The following CSGALNACT1 variants were observed in gnomAD, a reference collection of about 807,000 sequenced individuals.
The protein encoded by CSGALNACT1 is beta4GalNAcT-1.
A neutral mutation model predicts 51.0 loss-of-function variants in CSGALNACT1; 52 were observed. The observed-to-expected ratio is 1.02, with a 90% CI of 0.82 to 1.29. CSGALNACT1 has a LOEUF of 1.29. Ranked by LOEUF, CSGALNACT1 falls within the 50% of genes most tolerant of loss-of-function variation. The probability of loss-of-function intolerance (pLI) is 0.00; values close to 1 mark genes in which losing one functional copy is unlikely to be tolerated. For missense variants in CSGALNACT1, 935 were observed against 679.2 expected, an observed-to-expected ratio of 1.38 and a Z score of -4.19; for synonymous variants, 341 against 254.4, an observed-to-expected ratio of 1.34 and a Z score of -3.24.
At chr8:19,679,178 T>G (rs192474863) in intron 1 of CSGALNACT1, among the ~76,000 whole-genome samples, 1 of 152,242 alleles carries the variant, frequency 6.6e-6, no homozygotes, top group Admixed American at 6.5e-5. Context: ...TCCTCTTGGG[T>G]GCAGTGGCTC....
intron 1 of CSGALNACT1, among the ~76,000 whole-genome samples, chr8:19,613,209 C>A (rs984494504): frequency 6.6e-6 from 1 of 152,080 alleles, no homozygotes; most frequent in African/African-American, 2.4e-5. Flanking sequence ...TATTTCTATT[C>A]TGTATTTTAC....
chr8:19,466,309 A>T (rs1009765718), intron 4 of CSGALNACT1, among the ~76,000 whole-genome samples: 1 of 152,192 alleles, frequency 6.6e-6, no homozygotes, highest in Non-Finnish European at 1.5e-5. Flanking sequence ...ATCATTTAAT[A>T]TACTTCATCT....
intron 5 of CSGALNACT1, among the ~76,000 whole-genome samples, chr8:19,451,389 T>C (rs2063157197): frequency 2.6e-5 from 4 of 152,340 alleles, no homozygotes; most frequent in African/African-American, 9.6e-5. Flanking sequence ...TTTATAAAAA[T>C]CGTTTTATTA....
At chr8:19,707,523 A>C (rs1211395507) in intron 1 of CSGALNACT1, among the ~76,000 whole-genome samples, 1 of 152,210 alleles carries the variant, frequency 6.6e-6, no homozygotes, top group Non-Finnish European at 1.5e-5. Context: ...GAACCAGTAC[A>C]TGCCTAGAGT....
intron 3 of CSGALNACT1, among the ~76,000 whole-genome samples, chr8:19,572,012 C>G (rs548761845): frequency 4.8e-4 from 73 of 152,280 alleles, no homozygotes; most frequent in Non-Finnish European, 8.4e-4. Context: ...ATGGAACTTG[C>G]CAATCATTTC....
intron 1 of CSGALNACT1, among the ~76,000 whole-genome samples, chr8:19,737,261 T>C (rs902194848): frequency 6.6e-6 from 1 of 151,982 alleles, no homozygotes; most frequent in South Asian, 2.1e-4. Context: ...TCGGGAAGTA[T>C]ATATCTCCCA....
At chr8:19,556,140 G>A (rs941171375) in intron 3 of CSGALNACT1, among the ~76,000 whole-genome samples, 2 of 152,152 alleles carry the variant, frequency 1.3e-5, no homozygotes, top group Non-Finnish European at 2.9e-5. Flanking sequence ...CACTGTGGGA[G>A]GCTGAGGTGG....
chr8:19,518,487 C>T (rs1173307993), intron 3 of CSGALNACT1, among the ~76,000 whole-genome samples: 4 of 152,190 alleles, frequency 2.6e-5, no homozygotes, highest in African/African-American at 9.7e-5. Context: ...ATGTAAACAT[C>T]ATACCTGATC....
intron 4 of CSGALNACT1, among the ~76,000 whole-genome samples, chr8:19,480,915 C>G (rs370053371): frequency 6.6e-6 from 1 of 152,128 alleles, no homozygotes; most frequent in East Asian, 1.9e-4. Flanking sequence ...CAGGCAATAT[C>G]GACTCATTCC....
At chr8:19,730,201 C>T (rs1030172376) in intron 1 of CSGALNACT1, among the ~76,000 whole-genome samples, 3 of 152,136 alleles carry the variant, frequency 2.0e-5, no homozygotes, top group South Asian at 4.2e-4. Flanking sequence ...AAAGCCATCA[C>T]ACTCCCTTCT....
At chr8:19,587,180 T>C (rs2046840267) in intron 3 of CSGALNACT1, among the ~76,000 whole-genome samples, 1 of 152,066 alleles carries the variant, frequency 6.6e-6, no homozygotes, top group Non-Finnish European at 1.5e-5. Context: ...TCTCCTGGGA[T>C]GCTTTTCAAA....
At chr8:19,716,642 A>T (rs10092123) in intron 1 of CSGALNACT1, among the ~76,000 whole-genome samples, 1 of 149,162 alleles carries the variant, frequency 6.7e-6, no homozygotes, top group African/African-American at 2.5e-5. Flanking sequence ...AAAAAAAAAA[A>T]TTAGCCAGAT....
chr8:19,536,501 C>G (rs1489299305), intron 3 of CSGALNACT1, among the ~76,000 whole-genome samples: 1 of 151,958 alleles, frequency 6.6e-6, no homozygotes, highest in Non-Finnish European at 1.5e-5. Flanking sequence ...CTACAAGACA[C>G]AGATGAAAAT....
intron 4 of CSGALNACT1, among the ~76,000 whole-genome samples, chr8:19,498,062 T>C (rs1251586320): frequency 1.3e-5 from 2 of 152,176 alleles, no homozygotes; most frequent in Non-Finnish European, 2.9e-5. Flanking sequence ...TGGGCATATG[T>C]CATCAGAACC....
chr8:19,642,855 G>T (rs1283620840), intron 1 of CSGALNACT1, among the ~76,000 whole-genome samples: 2 of 151,320 alleles, frequency 1.3e-5, no homozygotes, highest in Non-Finnish European at 2.9e-5. Flanking sequence ...AAAAATTGCT[G>T]GGTCAGTCAA....
At chr8:19,593,559 G>A (rs542558432) in intron 2 of CSGALNACT1, among the ~76,000 whole-genome samples, 23 of 152,198 alleles carry the variant, frequency 1.5e-4, no homozygotes, top group Non-Finnish European at 2.6e-4. Flanking sequence ...CCCTTTGCAT[G>A]CTGGGAAGCC....
chr8:19,513,543 T>G (rs577604324), intron 3 of CSGALNACT1, among the ~76,000 whole-genome samples: 1 of 151,260 alleles, frequency 6.6e-6, no homozygotes, highest in Non-Finnish European at 1.5e-5. Flanking sequence ...CAATAATCTA[T>G]CTCTTATACA....
chr8:19,614,986 G>C (rs534076199), intron 1 of CSGALNACT1, among the ~76,000 whole-genome samples: 1 of 152,266 alleles, frequency 6.6e-6, no homozygotes, highest in Non-Finnish European at 1.5e-5. Flanking sequence ...GTATCCAAAA[G>C]GTAAAACTGG....
chr8:19,699,592 C>A (rs181390682), intron 1 of CSGALNACT1, among the ~76,000 whole-genome samples: 171 of 152,154 alleles, frequency 1.1e-3, no homozygotes, highest in African/African-American at 4.1e-3. Flanking sequence ...GTAGTCAGGT[C>A]CATTGAGCTA....
Sources: allele counts gnomAD v4.1 joint callset (sites outside exome capture counted in the v4.1 genomes callset), GRCh38; gene constraint gnomAD v4.1.1; transcripts MANE v1.5; gene names NCBI Gene and HGNC (gene_info 2026-07-23, HGNC 2026-07-21).